Variants in CMSS1 observed in about 807,000 individuals in gnomAD.
The protein encoded by CMSS1 is protein CMSS1.
A neutral mutation model predicts 43.5 loss-of-function variants in CMSS1; 33 were observed. The observed-to-expected ratio is 0.76, with a 90% CI of 0.57 to 1.01. The LOEUF (loss-of-function observed/expected upper bound fraction) is 1.01. Among genes scored for constraint, CMSS1 ranks in the 50% least tolerant of loss-of-function variants. The probability of loss-of-function intolerance (pLI) is 0.00; values close to 1 mark genes in which losing one functional copy is unlikely to be tolerated. For synonymous variants in CMSS1, 115 were observed against 117.2 expected (o/e 0.98, Z 0.12); for missense variants, 313 against 326.4 (o/e 0.96, Z 0.32).
intron 1 of CMSS1, among the ~76,000 whole-genome samples, chr3:99,976,543 A>T (rs1708976947): frequency 1.3e-5 from 2 of 152,086 alleles, no homozygotes; most frequent in Admixed American, 1.3e-4. Context: ...TTTTTCTTTC[A>T]CCACATTGAA....
At chr3:99,932,752 G>A (rs1219847219) in intron 1 of CMSS1, among the ~76,000 whole-genome samples, 3 of 152,112 alleles carry the variant, frequency 2.0e-5, no homozygotes, top group South Asian at 2.1e-4. Context: ...TTAGCCAGGT[G>A]TGGTGGCACA....
chr3:99,980,403 T>A (rs1709087804), intron 1 of CMSS1, among the ~76,000 whole-genome samples: 2 of 152,184 alleles, frequency 1.3e-5, no homozygotes, highest in Non-Finnish European at 2.9e-5. Flanking sequence ...GTATAGTACA[T>A]CAGATATGTT....
intron 1 of CMSS1, chr3:99,964,233 A>G (rs902227767): frequency 6.6e-6 from 1 of 152,012 alleles, no homozygotes; most frequent in Admixed American, 6.6e-5. Context: ...ATTTATCAAT[A>G]TTTATCTTGA....
chr3:99,953,072 G>T (rs1402627441), intron 1 of CMSS1, among the ~76,000 whole-genome samples: 2 of 151,954 alleles, frequency 1.3e-5, no homozygotes, highest in Non-Finnish European at 2.9e-5. Flanking sequence ...TTGTCATCTT[G>T]ATAAAAATAT....
chr3:100,021,800 C>G (rs2064822233), intron 1 of CMSS1, among the ~76,000 whole-genome samples: 1 of 152,030 alleles, frequency 6.6e-6, no homozygotes, highest in Non-Finnish European at 1.5e-5. Flanking sequence ...TTAGATATCC[C>G]CTAAATGATT....
At chr3:100,021,658 T>C (rs2064819569) in intron 1 of CMSS1, among the ~76,000 whole-genome samples, 1 of 152,132 alleles carries the variant, frequency 6.6e-6, no homozygotes, top group East Asian at 1.9e-4. Flanking sequence ...GAATTTTAAA[T>C]CAAGTGTCTT....
chr3:99,924,539 A>G, intron 1 of CMSS1: 1 of 950,836 alleles, frequency 1.1e-6, no homozygotes, highest in Non-Finnish European at 1.6e-6. Flanking sequence ...TTTGTTTTGA[A>G]ACAGTTTTCG....
chr3:100,010,584 A>G (rs1710116112), intron 1 of CMSS1, among the ~76,000 whole-genome samples: 2 of 150,978 alleles, frequency 1.3e-5, no homozygotes, highest in Admixed American at 1.3e-4. Context: ...TGGCTAAAGC[A>G]TTCTATATCA....
intron 3 of CMSS1, 60 bp downstream of exon 3, chr3:100,160,561 A>G (rs1253555260): frequency 2.5e-6 from 2 of 812,298 alleles, no homozygotes; most frequent in East Asian, 2.7e-5. Flanking sequence ...ACATTTTTAT[A>G]TATCATACTT....
At chr3:99,999,361 G>C (rs1354647505) in intron 1 of CMSS1, among the ~76,000 whole-genome samples, 2 of 152,172 alleles carry the variant, frequency 1.3e-5, no homozygotes, top group East Asian at 3.8e-4. Context: ...CCCTGCATCA[G>C]AGTCATAAGT....
intron 1 of CMSS1, among the ~76,000 whole-genome samples, chr3:100,106,911 GA>G (rs141429394): frequency 1.4e-4 from 22 of 152,286 alleles, no homozygotes; most frequent in South Asian, 8.3e-4. Context: ...TATGCTAAGG[GA>G]AACTCTGAGA....
At chr3:100,130,800 A>G (rs1262781178) in intron 1 of CMSS1, among the ~76,000 whole-genome samples, 2 of 152,246 alleles carry the variant, frequency 1.3e-5, no homozygotes, top group South Asian at 4.1e-4. Context: ...AACTTAAAAA[A>G]TTGCCATCTT....
chr3:100,065,767 T>G (rs2065653184), intron 1 of CMSS1, among the ~76,000 whole-genome samples: 1 of 152,222 alleles, frequency 6.6e-6, no homozygotes, highest in Non-Finnish European at 1.5e-5. Flanking sequence ...CATATTCAGA[T>G]TCAAGGTGGA....
intron 1 of CMSS1, among the ~76,000 whole-genome samples, chr3:99,969,857 T>A (rs959094692): frequency 6.6e-6 from 1 of 152,164 alleles, no homozygotes; most frequent in Non-Finnish European, 1.5e-5. Flanking sequence ...TGTTAAAGAT[T>A]GTTGCCAAGT....
intron 1 of CMSS1, among the ~76,000 whole-genome samples, chr3:100,118,806 T>C (rs1227568100): frequency 6.6e-6 from 1 of 152,168 alleles, no homozygotes; most frequent in Non-Finnish European, 1.5e-5. Flanking sequence ...GGGAATGTAT[T>C]GGGCTGACTC....
intron 1 of CMSS1, among the ~76,000 whole-genome samples, chr3:99,957,147 A>C (rs1708343053): frequency 6.6e-6 from 1 of 152,248 alleles, no homozygotes; most frequent in Admixed American, 6.5e-5. Flanking sequence ...TACAGCAAAA[A>C]AAATACTGTA....
At chr3:100,158,383 G>A (rs1408990763) in intron 2 of CMSS1, among the ~76,000 whole-genome samples, 2 of 152,178 alleles carry the variant, frequency 1.3e-5, no homozygotes, top group Non-Finnish European at 2.9e-5. Context: ...GTTGGAATTG[G>A]TTTCCAGAAA....
At chr3:100,171,458 A>G (rs2067109253) in intron 6 of CMSS1, among the ~76,000 whole-genome samples, 1 of 152,018 alleles carries the variant, frequency 6.6e-6, no homozygotes, top group Non-Finnish European at 1.5e-5. Flanking sequence ...GCTCCAAGAT[A>G]TCTTTTGCAA....
At chr3:100,131,018 C>T (rs1373932992) in intron 1 of CMSS1, among the ~76,000 whole-genome samples, 2 of 152,144 alleles carry the variant, frequency 1.3e-5, no homozygotes, top group African/African-American at 2.4e-5. Flanking sequence ...GTACCAAATG[C>T]CCCAGGGTAA....
Sources: allele counts gnomAD v4.1 joint callset (sites outside exome capture counted in the v4.1 genomes callset), GRCh38; gene constraint gnomAD v4.1.1; transcripts MANE v1.5; gene names NCBI Gene and HGNC (gene_info 2026-07-23, HGNC 2026-07-21).